EGFR: variants seen among roughly 807,000 people sequenced by gnomAD.
EGFR encodes the protein avian erythroblastic leukemia viral (v-erb-b) oncogene homolog.
In EGFR, 58 loss-of-function variants were observed where a neutral mutation model predicts 143.0. The observed-to-expected ratio is 0.41, with a 90% confidence interval of 0.33 to 0.50. The LOEUF (loss-of-function observed/expected upper bound fraction) is 0.50, where lower values mean the gene tolerates loss of function less well. Ranked by LOEUF, EGFR falls within the 20% of genes least tolerant of loss-of-function variation. The pLI, the probability that EGFR is intolerant of heterozygous loss-of-function variation, is 0.39. For missense variants in EGFR, 1,307 were observed against 1,579.0 expected (o/e 0.83, Z 2.92); for synonymous variants, 613 against 594.4 (o/e 1.03, Z -0.45).
At chr7:55,130,461 C>T (rs1012364448) in intron 1 of EGFR, among the ~76,000 whole-genome samples, 1 of 152,064 alleles carries the variant, frequency 6.6e-6, no homozygotes, top group African/African-American at 2.4e-5. Flanking sequence ...TCAACGACCC[C>T]AGGAATGAGT....
chr7:55,047,025 A>T (rs1788215494), intron 1 of EGFR, among the ~76,000 whole-genome samples: 1 of 152,254 alleles, frequency 6.6e-6, no homozygotes. Flanking sequence ...TGTATTTATA[A>T]CTAGTCTATT....
intron 1 of EGFR, among the ~76,000 whole-genome samples, chr7:55,036,287 GGTGT>G (rs1787579579): frequency 2.2e-5 from 1 of 44,748 alleles, no homozygotes; most frequent in African/African-American, 8.3e-5. Context: ...GGGGGGGGTG[GGTGT>G]GTGTGTGTAC....
At position 55,166,446 on chromosome 7, in the gene EGFR, G is replaced by A. The variant is rs143800377; in HGVS notation, c.1880+1009G>A. The A allele has an allele frequency of 4.3e-4, 209 of 490,222 alleles. 2 individuals are homozygous for A. Among genetic ancestry groups the A allele is most frequent in the African/African-American group, 3.2e-3 (165 of 52,276 alleles). The allele number at this position is 490,222 out of a possible 1,614,324, so 30.4% of individuals were successfully genotyped here. ...GCCTCACTTTCTTTTCTGTAAATTGGGATAATAATGCTGCATAGCTCACAG... is the reference window on the plus strand; with the variant it reads ...GCCTCACTTTCTTTTCTGTAAATTGAGATAATAATGCTGCATAGCTCACAG... On this transcript the variant is annotated intron_variant, in intron 15 of 27. Coordinates refer to ENST00000275493, the MANE Select transcript of EGFR (RefSeq NM_005228.5).
In EGFR at chr7:55,209,038, T is replaced by G. The variant is rs1788177802; in HGVS notation, c.*3421T>G. The G allele has an allele frequency of 6.6e-6, 1 of 152,150 alleles. No homozygotes were observed. 9.4% of individuals were successfully genotyped at this position (152,150 alleles called of 1,614,324 possible). A position where few individuals can be genotyped will look rare whatever the true frequency, so the allele number is the denominator to read the frequency against. On this transcript the variant is annotated 3_prime_UTR_variant, in exon 28 of 28. Coordinates refer to ENST00000275493, the MANE Select transcript of EGFR (RefSeq NM_005228.5). ...GTGCCACTCTCACTAGGCCTCTGAT[T>G]GCACTTGTGTAGGATGAAGCTGGTG...
chr7:55,035,403 C>G (rs191624401), intron 1 of EGFR, among the ~76,000 whole-genome samples: 14 of 151,876 alleles, frequency 9.2e-5, no homozygotes, highest in Admixed American at 7.2e-4. Flanking sequence ...GTGGCTCACA[C>G]CTGTAATCCC....
intron 1 of EGFR, among the ~76,000 whole-genome samples, chr7:55,138,935 G>A (rs968793706): frequency 1.1e-4 from 16 of 152,144 alleles, no homozygotes; most frequent in African/African-American, 3.4e-4. Flanking sequence ...GTGAGGTGGT[G>A]GGGAAGAGAA....
intron 1 of EGFR, among the ~76,000 whole-genome samples, chr7:55,086,235 C>T (rs1377256424): frequency 6.6e-6 from 1 of 152,202 alleles, no homozygotes; most frequent in Non-Finnish European, 1.5e-5. Context: ...CAGCCAGGGG[C>T]TTGCACCCCG....
chr7:55,090,166 A>G (rs1791024505), intron 1 of EGFR, among the ~76,000 whole-genome samples: 1 of 152,068 alleles, frequency 6.6e-6, no homozygotes, highest in South Asian at 2.1e-4. Flanking sequence ...ACAGGGTTTC[A>G]CCATGTTGGT....
chr7:55,064,063 G>C (rs1183376947), intron 1 of EGFR, among the ~76,000 whole-genome samples: 1 of 151,988 alleles, frequency 6.6e-6, no homozygotes, highest in Non-Finnish European at 1.5e-5. Flanking sequence ...TGGACTAAAA[G>C]AAAACTTGTA....
chr7:55,060,974 G>A (rs1789131580), intron 1 of EGFR, among the ~76,000 whole-genome samples: 1 of 152,172 alleles, frequency 6.6e-6, no homozygotes, highest in Non-Finnish European at 1.5e-5. Flanking sequence ...TCTGCTACCT[G>A]CCAGTCTGAA....
At chr7:55,106,977 CAT>C (rs1316247570) in intron 1 of EGFR, among the ~76,000 whole-genome samples, 1 of 152,122 alleles carries the variant, frequency 6.6e-6, no homozygotes, top group Non-Finnish European at 1.5e-5. Context: ...TAAGTAGAAA[CAT>C]ATATATTGCC....
chr7:55,092,030 A>T (rs1415652688), intron 1 of EGFR, among the ~76,000 whole-genome samples: 2 of 150,936 alleles, frequency 1.3e-5, no homozygotes, highest in Non-Finnish European at 3.0e-5. Context: ...CTTAAAAAAA[A>T]ATTCTGGTTG....
intron 1 of EGFR, among the ~76,000 whole-genome samples, chr7:55,080,930 G>A (rs528180785): frequency 4.9e-4 from 75 of 152,296 alleles, no homozygotes; most frequent in African/African-American, 1.7e-3. Flanking sequence ...GTGATCTAGT[G>A]ACACTAGCCA....
intron 1 of EGFR, among the ~76,000 whole-genome samples, chr7:55,084,967 A>C (rs1790669590): frequency 6.6e-6 from 1 of 152,126 alleles, no homozygotes; most frequent in African/African-American, 2.4e-5. Context: ...TGTCACACTC[A>C]GTGAGCGGAG....
intron 1 of EGFR, among the ~76,000 whole-genome samples, chr7:55,096,346 G>A (rs1468725): frequency 3.0e-4 from 46 of 152,362 alleles, no homozygotes; most frequent in African/African-American, 1.1e-3. Context: ...TCCGTGATGT[G>A]TACCCCATGT....
At chr7:55,202,171 T>G (rs985932616) in intron 26 of EGFR, among the ~76,000 whole-genome samples, 1 of 152,228 alleles carries the variant, frequency 6.6e-6, no homozygotes, top group Non-Finnish European at 1.5e-5. Flanking sequence ...CTACTTCAAC[T>G]TAAATGTTAA....
At chr7:55,191,053 G>T (rs1199254852) in intron 20 of EGFR, among the ~76,000 whole-genome samples, 5 of 152,190 alleles carry the variant, frequency 3.3e-5, no homozygotes, top group Non-Finnish European at 7.3e-5. Flanking sequence ...TCTGTTGGGC[G>T]CTGTGCTGGC....
intron 3 of EGFR, among the ~76,000 whole-genome samples, chr7:55,144,010 G>A (rs1222273908): frequency 6.6e-6 from 1 of 152,172 alleles, no homozygotes; most frequent in African/African-American, 2.4e-5. Flanking sequence ...CCTGTGAGAG[G>A]AAACAATGAA....
intron 1 of EGFR, among the ~76,000 whole-genome samples, chr7:55,136,119 A>T (rs1794126585): frequency 6.6e-6 from 1 of 152,168 alleles, no homozygotes; most frequent in African/African-American, 2.4e-5. Flanking sequence ...TCACTTTGAG[A>T]TTTTAGTATA....
Sources: gnomAD v4.1 joint callset for allele counts (sites outside exome capture counted in the v4.1 genomes callset) on GRCh38, gnomAD v4.1.1 for gene constraint, MANE v1.5 for transcripts, NCBI Gene and HGNC (gene_info 2026-07-23, HGNC 2026-07-21) for gene names.